CDKN3: variants seen among roughly 807,000 people sequenced by gnomAD.
CDKN3 encodes the protein cyclin dependent kinase inhibitor 3, also known as cyclin-dependent kinase inhibitor 3.
Under a neutral mutation model 36.1 loss-of-function variants are expected in CDKN3, and 19 were observed. That is an observed-to-expected ratio of 0.53 (90% CI 0.37 to 0.77). CDKN3 has a LOEUF of 0.77. CDKN3 is among the 30% of genes least tolerant of loss of function. CDKN3 has a pLI of 0.00. For missense variants in CDKN3, 188 were observed against 248.6 expected, an observed-to-expected ratio of 0.76 and a Z score of 1.64; for synonymous variants, 71 against 85.3, an observed-to-expected ratio of 0.83 and a Z score of 0.92.
intron 4 of CDKN3, chr14:54,411,158 CA>C (rs1462899516): frequency 1.8e-5 from 3 of 169,496 alleles, no homozygotes; most frequent in Non-Finnish European, 3.1e-5. Flanking sequence ...GGCCTGGTGA[CA>C]GAGCAAGACT....
intron 3 of CDKN3, among the ~76,000 whole-genome samples, chr14:54,403,896 C>T (rs1375203690): frequency 6.6e-6 from 1 of 152,142 alleles, no homozygotes; most frequent in African/African-American, 2.4e-5. Flanking sequence ...CTGACTTGAT[C>T]GTGGTGGATA....
At chr14:54,398,502 G>A (rs1339283999) in intron 1 of CDKN3, among the ~76,000 whole-genome samples, 3 of 152,332 alleles carry the variant, frequency 2.0e-5, no homozygotes, top group South Asian at 2.1e-4. Flanking sequence ...GGATACATTT[G>A]TCTAATTCTG....
At position 54,420,137 on chromosome 14, in the gene CDKN3, T is replaced by C; in HGVS notation, c.*59T>C. 1.0e-6 allele frequency: 1 copy of C among 965,896 alleles called. No homozygotes were observed. The highest frequency in any genetic ancestry group is 2.5e-5 in the East Asian group (1 of 39,668). 59.8% of individuals were successfully genotyped at this position (965,896 alleles called of 1,614,324 possible). ...GAAATGTCAGTTCTCTAGCATAATT[T>C]GTATTGAAATGAAACCACCAGTGTT... On this transcript the variant is annotated 3_prime_UTR_variant, in exon 8 of 8. Transcript: ENST00000335183.
intron 7 of CDKN3, among the ~76,000 whole-genome samples, chr14:54,418,899 C>T (rs1183997815): frequency 2.0e-5 from 3 of 152,172 alleles, no homozygotes; most frequent in Non-Finnish European, 4.4e-5. Flanking sequence ...GTGGCTCATG[C>T]CTATATCCTA....
chr14:54,397,224 G>T (rs968042405), intron 1 of CDKN3, 147 bp downstream of exon 1: 116 of 955,028 alleles, frequency 1.2e-4, no homozygotes, highest in Middle Eastern at 7.0e-4. Context: ...GAGGTGACTC[G>T]CACGGGCCCA....
chr14:54,401,087 G>A (rs145062512), intron 2 of CDKN3, among the ~76,000 whole-genome samples: 10 of 152,218 alleles, frequency 6.6e-5, no homozygotes, highest in South Asian at 2.1e-4. Context: ...GTATACTACC[G>A]GTTGGCAATC....
intron 1 of CDKN3, among the ~76,000 whole-genome samples, chr14:54,398,285 T>A (rs564077635): frequency 6.6e-6 from 1 of 152,336 alleles, no homozygotes; most frequent in South Asian, 2.1e-4. Flanking sequence ...TGGAGGGACA[T>A]CAGCTGTCCT....
rs928250323 is a variant in CDKN3 at position 54,401,231 on chromosome 14, G to A, written c.93-293G>A. ...GGACTCAAACAGCCTGCCTGCCTTG[G>A]CCTCTCTAAGTGCTGGGATCATAGG... On this transcript the variant is annotated intron_variant, in intron 2 of 7. Coordinates refer to ENST00000335183, the MANE Select transcript of CDKN3 (RefSeq NM_005192.4). 2.6e-4 allele frequency among the ~76,000 whole-genome samples: 40 copies of A among 151,156 alleles called. 1 individual carries two copies. The highest frequency in any genetic ancestry group is 9.4e-4 in the African/African-American group (38 of 40,456).
intron 3 of CDKN3, among the ~76,000 whole-genome samples, chr14:54,406,205 A>G (rs2143957): frequency 0.71 from 108,235 of 152,144 alleles, 38,523 homozygotes; most frequent in African/African-American, 0.74. Flanking sequence ...GCAGAGAGAT[A>G]TGCTGTTAAT....
chr14:54,399,323 C>T (rs1231405776), intron 1 of CDKN3, among the ~76,000 whole-genome samples: 1 of 152,156 alleles, frequency 6.6e-6, no homozygotes, highest in Admixed American at 6.5e-5. Flanking sequence ...TCCTTCAAAA[C>T]CCAGCTAAAG....
chr14:54,411,557 C>A lies in CDKN3; in HGVS notation c.267C>A (p.Val89=), dbSNP rs762684478. 1.3e-5 allele frequency: 21 copies of A among 1,613,918 alleles called. No homozygotes were observed. Among genetic ancestry groups the A allele is most frequent in the Non-Finnish European group, 1.7e-5 (20 of 1,180,000 alleles). ...GAGGGGAACTGTCAAAATATAGAGT[C>A]CCAAACCTTCTGGATCTCTACCAGC... ...CTRGELSKYR[V]PNLLDLYQQC... is the part of the protein sequence containing the mutation. Residue 89 remains valine (V), a synonymous_variant, in exon 5 of 8, where the codon GTC becomes GTA. Transcript: ENST00000335183.
intron 7 of CDKN3, among the ~76,000 whole-genome samples, chr14:54,419,557 C>CA (rs757754211): frequency 1.3e-5 from 2 of 152,054 alleles, no homozygotes; most frequent in Non-Finnish European, 2.9e-5. Flanking sequence ...TATGTCATCA[C>CA]AAAAAAGCAG....
intron 6 of CDKN3, 82 bp from the exon 7 acceptor site, chr14:54,417,766 C>A: frequency 1.4e-6 from 1 of 703,042 alleles, no homozygotes; most frequent in Non-Finnish European, 2.4e-6. Flanking sequence ...TCTGTATCAA[C>A]AGAAGTCTTA....
chr14:54,403,563 C>A (rs2030038678), intron 3 of CDKN3, among the ~76,000 whole-genome samples: 1 of 152,238 alleles, frequency 6.6e-6, no homozygotes, highest in Non-Finnish European at 1.5e-5. Context: ...CTAGCCAGAA[C>A]TTCCAATACT....
chr14:54,405,774 G>A (rs78429722), intron 3 of CDKN3, among the ~76,000 whole-genome samples: 1 of 151,908 alleles, frequency 6.6e-6, no homozygotes, highest in African/African-American at 2.4e-5. Context: ...GCACACCAAT[G>A]GGTCTTGACT....
chr14:54,399,905 A>G lies in CDKN3; in HGVS notation c.21A>G (p.Ile7Met), dbSNP rs1166422319. MKPPSS[I>M]QTSEFDSSDE... is the part of the protein sequence containing the mutation. The stretch of plus-strand genomic sequence containing the variant: ...CATTTCTTTTGAAGCCCAGTTCAAT[A>G]CAAACAAGTGAGTTTGACTCATCAG... The change falls in exon 2 of 8, where the codon ATA (isoleucine) becomes ATG (methionine). Residue 7 changes from isoleucine to methionine, a missense_variant. Coordinates refer to ENST00000335183, the MANE Select transcript of CDKN3 (RefSeq NM_005192.4). 1.3e-6 allele frequency: 2 copies of G among 1,569,270 alleles called. No homozygotes were observed. The highest frequency in any genetic ancestry group is 1.7e-4 in the Middle Eastern group (1 of 5,956).
rs116188158 is a variant in CDKN3, at chr14:54,410,149, A to G, written c.194-1335A>G. On this transcript the variant is annotated intron_variant, in intron 4 of 7. Transcript: ENST00000335183. ...AAAACAGTTTCCAATTTTTTTCAAA[A>G]TACTTTTTTTTCTGCAATGAAATCT... is the stretch of plus-strand genomic sequence containing the variant. Among the ~76,000 whole-genome samples, 581 of 152,278 alleles carry G rather than the reference A, an allele frequency of 3.8e-3. 3 individuals are homozygous for G. Among genetic ancestry groups the G allele is most frequent in the African/African-American group, 0.013 (540 of 41,558 alleles).
At chr14:54,413,817 C>T in intron 5 of CDKN3, 2 of 1,414,316 alleles carry the variant, frequency 1.4e-6, no homozygotes, top group Admixed American at 3.0e-5. Flanking sequence ...CACTGCTTGC[C>T]TACTGTATTT....
At chr14:54,398,987 C>CTTTTTT (rs113342693) in intron 1 of CDKN3, among the ~76,000 whole-genome samples, 31,869 of 108,396 alleles carry the variant, frequency 0.29, 4,515 homozygotes, top group Non-Finnish European at 0.38. Flanking sequence ...TTTCTTCTTC[C>CTTTTTT]TTTTTTTTTT....
Sources: allele counts gnomAD v4.1 joint callset (sites outside exome capture counted in the v4.1 genomes callset), GRCh38; gene constraint gnomAD v4.1.1; transcripts MANE v1.5; gene names NCBI Gene and HGNC (gene_info 2026-07-23, HGNC 2026-07-21).